GGTA1: variants seen among roughly 807,000 people sequenced by gnomAD.
GGTA1 encodes glycoprotein alpha-galactosyltransferase 1 (inactive).
GGTA1 carries 5 observed loss-of-function variants against 2.6 expected under a neutral mutation model. The observed-to-expected ratio is 1.92, with a 90% confidence interval of 1.00 to 4.04. The LOEUF is 4.04. Ranked by LOEUF, GGTA1 falls within the 30% of genes most tolerant of loss-of-function variation. The pLI is 0.00. For missense variants in GGTA1, 50 were observed against 16.7 expected, an observed-to-expected ratio of 2.99 and a Z score of -3.47; for synonymous variants, 17 against 5.0, an observed-to-expected ratio of 3.38 and a Z score of -3.19.
chr9:121,482,996 A>G (rs187421208), intron 1 of GGTA1, among the ~76,000 whole-genome samples: 11 of 152,262 alleles, frequency 7.2e-5, no homozygotes, highest in Admixed American at 2.0e-4. Flanking sequence ...TCATGGACCT[A>G]TGTATGGTCA....
chr9:121,461,156 T>G, intron 4 of GGTA1, 96 bp downstream of exon 4: 1 of 389,860 alleles, frequency 2.6e-6, no homozygotes, highest in Non-Finnish European at 5.1e-6. Flanking sequence ...GAAAGATGAG[T>G]GACTGAGAAG....
intron 1 of GGTA1, among the ~76,000 whole-genome samples, chr9:121,469,260 C>T (rs1219811408): frequency 1.3e-5 from 2 of 152,100 alleles, no homozygotes; most frequent in African/African-American, 2.4e-5. Context: ...ATGAAAAGCA[C>T]CATAAGAAGG....
At chr9:121,488,591 C>T (rs1828808600) in intron 1 of GGTA1, among the ~76,000 whole-genome samples, 1 of 152,160 alleles carries the variant, frequency 6.6e-6, no homozygotes, top group Admixed American at 6.5e-5. Flanking sequence ...GTGGTGGACA[C>T]CTGTAATCCC....
intron 1 of GGTA1, among the ~76,000 whole-genome samples, chr9:121,470,652 G>A (rs957240211): frequency 1.3e-5 from 2 of 152,208 alleles, no homozygotes; most frequent in Admixed American, 6.5e-5. Context: ...ATTCCATCTT[G>A]CTCCTAACCT....
chr9:121,471,848 C>G (rs1344932830), intron 1 of GGTA1, among the ~76,000 whole-genome samples: 2 of 152,220 alleles, frequency 1.3e-5, no homozygotes, highest in African/African-American at 4.8e-5. Context: ...TCACTAGAGT[C>G]TGCATCCGAA....
intron 1 of GGTA1, among the ~76,000 whole-genome samples, chr9:121,493,769 T>C (rs986818345): frequency 2.2e-4 from 32 of 148,046 alleles, no homozygotes; most frequent in Non-Finnish European, 3.9e-4. Flanking sequence ...TTTTTTTTTT[T>C]TTTTTGAGAC....
At chr9:121,466,726 G>A (rs940883306) in intron 2 of GGTA1, among the ~76,000 whole-genome samples, 1 of 152,120 alleles carries the variant, frequency 6.6e-6, no homozygotes, top group Non-Finnish European at 1.5e-5. Context: ...GCCGAGGCAG[G>A]TGGATCATTT....
At chr9:121,479,427 CG>C in intron 1 of GGTA1, 2 of 268,222 alleles carry the variant, frequency 7.5e-6, no homozygotes, top group Non-Finnish European at 1.5e-5. Context: ...CTTTGGGAAA[CG>C]AGCTGTTTAT....
intron 1 of GGTA1, among the ~76,000 whole-genome samples, chr9:121,469,022 C>T (rs1158444420): frequency 6.6e-6 from 1 of 152,118 alleles, no homozygotes; most frequent in Non-Finnish European, 1.5e-5. Flanking sequence ...CATCCACTTC[C>T]CAGCTACCCC....
Position 121,463,306 on chromosome 9 carries a change from T to G in GGTA1, c.103A>C (p.Ile35Leu), listed in dbSNP as rs2064976179. 3 of 452,728 alleles carry G rather than the reference T, an allele frequency of 6.6e-6. No homozygotes were observed. Among genetic ancestry groups the G allele is most frequent in the Non-Finnish European group, 1.3e-5 (3 of 225,646 alleles). The allele number at this position is 452,728 out of a possible 1,614,324, so 28.0% of individuals were successfully genotyped here. A position where few individuals can be genotyped will look rare whatever the true frequency, so the allele number is the denominator to read the frequency against. ...CAAAGCACTTACTTTGAGTGATATA[T>G]CCACAAGAAAGAGCCTTCTGTGCTA... is the stretch of plus-strand genomic sequence containing the variant. ...INSTEGSFLW[I>L]YHSKNPEVDD... The change falls in exon 3 of 6, where the codon ATA (isoleucine) becomes CTA (leucine). Residue 35 changes from isoleucine (I) to leucine (L), a missense_variant. Transcript: ENST00000481799.
chr9:121,457,478 A>T (rs1372944813), intron 5 of GGTA1, among the ~76,000 whole-genome samples: 1 of 152,140 alleles, frequency 6.6e-6, no homozygotes, highest in Non-Finnish European at 1.5e-5. Flanking sequence ...AGGCAGGTGG[A>T]TCACCAGGTC....
chr9:121,461,910 T>C (rs2064963278), intron 3 of GGTA1, among the ~76,000 whole-genome samples: 1 of 152,244 alleles, frequency 6.6e-6, no homozygotes, highest in Admixed American at 6.5e-5. Context: ...GCCCAAAGGT[T>C]AGCAGTAACA....
At chr9:121,477,086 C>A (rs10818550) in intron 1 of GGTA1, among the ~76,000 whole-genome samples, 1 of 152,092 alleles carries the variant, frequency 6.6e-6, no homozygotes, top group African/African-American at 2.4e-5. Context: ...TCACAGCCAC[C>A]TCGTGCTCCA....
At chr9:121,481,799 C>G (rs1828659164) in intron 1 of GGTA1, among the ~76,000 whole-genome samples, 1 of 149,254 alleles carries the variant, frequency 6.7e-6, no homozygotes, top group African/African-American at 2.5e-5. Context: ...GAGTTCGAGA[C>G]CAGCCTGACC....
chr9:121,449,737 G>A (rs2064868905), intron 7 of GGTA1, among the ~76,000 whole-genome samples: 1 of 151,532 alleles, frequency 6.6e-6, no homozygotes, highest in South Asian at 2.1e-4. Flanking sequence ...CTGCTTGGGA[G>A]GCTAAGGCAG....
Position 121,460,585 on chromosome 9 carries a change from C to T in GGTA1, c.183-366G>A, listed in dbSNP as rs573565610. The stretch of plus-strand genomic sequence containing the variant: ...AGCCCAGGCCAGGCATGGTGGATCA[C>T]GCCTATAATCTCAGCAATTTGGGAG... On this transcript the variant is annotated intron_variant, in intron 4 of 5. Transcript: ENST00000481799. 5.9e-5 allele frequency among the ~76,000 whole-genome samples: 9 copies of T among 152,310 alleles called. No individual in the cohort carries two copies. In the South Asian group the frequency reaches 1.0e-3, roughly 18 times the overall value.
intron 1 of GGTA1, among the ~76,000 whole-genome samples, chr9:121,480,205 G>A (rs1195788066): frequency 6.6e-6 from 1 of 151,952 alleles, no homozygotes; most frequent in East Asian, 1.9e-4. Context: ...ACAGGCACAT[G>A]CCACCACGCC....
Position 121,463,878 on chromosome 9 carries a change from TC to T in GGTA1, c.81-551del, listed in dbSNP as rs981352816. On this transcript the variant is annotated intron_variant, in intron 2 of 5. Transcript: ENST00000481799. The stretch of plus-strand genomic sequence containing the variant: ...TATCTTCCTCCAGAAAAAAAAAGCA[TC>T]AACTGCAGAGCCTAATGCCATGGCC... Among the ~76,000 whole-genome samples, 468 of 152,124 alleles carry T rather than the reference TC, an allele frequency of 3.1e-3. 1 individual carries two copies. The highest frequency in any genetic ancestry group is 0.011 in the African/African-American group (447 of 41,498).
chr9:121,446,090 A>G (rs143443392), exon 8 of GGTA1: 10 of 152,362 alleles, frequency 6.6e-5, no homozygotes, highest in East Asian at 3.9e-4. Context: ...CATAGGGTCA[A>G]TGAGATTGGA....
Sources: gnomAD v4.1 joint callset for allele counts (sites outside exome capture counted in the v4.1 genomes callset) on GRCh38, gnomAD v4.1.1 for gene constraint, MANE v1.5 for transcripts, NCBI Gene and HGNC (gene_info 2026-07-23, HGNC 2026-07-21) for gene names.